The following MYO10 variants were observed in gnomAD, a reference collection of about 807,000 sequenced individuals.
MYO10 encodes unconventional myosin-X.
A neutral mutation model predicts 257.3 loss-of-function variants in MYO10; 133 were observed. The observed-to-expected ratio is 0.52, with a 90% CI of 0.45 to 0.60. The LOEUF is 0.60. MYO10 is among the 20% of genes least tolerant of loss of function. The pLI, the probability that MYO10 is intolerant of heterozygous loss-of-function variation, is 0.00. For synonymous variants in MYO10, 1,104 were observed against 1,028.6 expected (o/e 1.07, Z -1.40); for missense variants, 2,399 against 2,635.7 (o/e 0.91, Z 1.97).
intron 39 of MYO10, among the ~76,000 whole-genome samples, chr5:16,668,720 C>G (rs1049764745): frequency 6.6e-6 from 1 of 152,200 alleles, no homozygotes; most frequent in Non-Finnish European, 1.5e-5. Flanking sequence ...TGCTTTGACT[C>G]TCCACTTCTC....
chr5:16,772,832 T>C (rs1741095391), intron 9 of MYO10, among the ~76,000 whole-genome samples: 1 of 152,196 alleles, frequency 6.6e-6, no homozygotes, highest in South Asian at 2.1e-4. Context: ...ACATAGTGCA[T>C]ATTTTAGTTA....
chr5:16,912,802 G>GCACGCACACA (rs1554008422), intron 1 of MYO10, among the ~76,000 whole-genome samples: 1 of 111,594 alleles, frequency 9.0e-6, no homozygotes, highest in African/African-American at 3.6e-5. Context: ...CTACCACCCT[G>GCACGCACACA]CACACACACA....
At chr5:16,697,078 G>C (rs1737780993) in intron 26 of MYO10, among the ~76,000 whole-genome samples, 1 of 152,126 alleles carries the variant, frequency 6.6e-6, no homozygotes, top group Admixed American at 6.5e-5. Context: ...AGGTGTTCCA[G>C]TGCTGGCTAC....
intron 3 of MYO10, among the ~76,000 whole-genome samples, chr5:16,814,329 T>C (rs1742535494): frequency 6.6e-6 from 1 of 151,850 alleles, no homozygotes; most frequent in African/African-American, 2.4e-5. Context: ...CTTTTTTTTT[T>C]AGTGGAGACG....
Position 16,666,516 on chromosome 5 carries a change from G to T in MYO10, c.*176C>A. The T allele has an allele frequency of 1.7e-6, 1 of 588,070 alleles. No homozygotes were observed. Among genetic ancestry groups the T allele is most frequent in the Middle Eastern group, 4.5e-4 (1 of 2,200 alleles). The allele number at this position is 588,070 out of a possible 1,614,324, so 36.4% of individuals were successfully genotyped here. ...CTGTTAAAGTTGACAGCTTAATACA[G>T]GATCAATGAAGGCGGCAGGCAAAAG... On this transcript the variant is annotated 3_prime_UTR_variant, in exon 41 of 41. Transcript: ENST00000513610.
At chr5:16,884,446 T>TA (rs752343442) in intron 1 of MYO10, among the ~76,000 whole-genome samples, 1 of 152,164 alleles carries the variant, frequency 6.6e-6, no homozygotes, top group African/African-American at 2.4e-5. Context: ...ATGCATAAGA[T>TA]AAATTAATAT....
Position 16,670,855 on chromosome 5 carries a change from C to T in MYO10, c.5554G>A (p.Glu1852Lys), listed in dbSNP as rs567489277. 23 of 1,613,916 alleles carry T rather than the reference C, an allele frequency of 1.4e-5. No homozygotes were observed. In the Middle Eastern group the frequency reaches 4.9e-4, roughly 35 times the overall value. The change falls in exon 39 of 41, where the codon GAA becomes AAA. Residue 1852 changes from glutamate (E) to lysine (K), a missense_variant. Glu to Lys is a moderately conservative substitution (Grantham distance 56). This residue lies in a region of MYO10 where 1,820 missense variants were observed against 1,939.4 expected (regional missense o/e 0.94). Coordinates refer to ENST00000513610, the MANE Select transcript of MYO10 (RefSeq NM_012334.3). ...YTLHAAIPPLEEVYSLQRLKA... is the reference protein window; with the variant it reads ...YTLHAAIPPLKEVYSLQRLKA... The stretch of plus-strand genomic sequence containing the variant: ...AGTCTCTGCAGGGAATAAACCTCTT[C>T]GAGAGGTGGGATGGCAGCGTGCAGA...
chr5:16,857,275 AC>A (rs1743986418), intron 2 of MYO10, among the ~76,000 whole-genome samples: 1 of 152,216 alleles, frequency 6.6e-6, no homozygotes, highest in Admixed American at 6.5e-5. Flanking sequence ...AGCACTCAAG[AC>A]TACATATGGT....
At chr5:16,757,657 ATTTCT>A (rs1740574602) in intron 18 of MYO10, among the ~76,000 whole-genome samples, 1 of 152,036 alleles carries the variant, frequency 6.6e-6, no homozygotes, top group South Asian at 2.1e-4. Flanking sequence ...AGTCTATTTT[ATTTCT>A]TTTCTCTCTT....
chr5:16,884,680 G>A (rs1409703394), intron 1 of MYO10, among the ~76,000 whole-genome samples: 2 of 150,006 alleles, frequency 1.3e-5, no homozygotes, highest in Non-Finnish European at 3.0e-5. Flanking sequence ...TCCTTCTGTT[G>A]GAAGTAGGAG....
At chr5:16,830,679 G>GCACA (rs1554000807) in intron 2 of MYO10, among the ~76,000 whole-genome samples, 40 of 149,024 alleles carry the variant, frequency 2.7e-4, no homozygotes, top group Middle Eastern at 3.5e-3. Flanking sequence ...TTTTTAATAG[G>GCACA]CACACACACA....
intron 1 of MYO10, among the ~76,000 whole-genome samples, chr5:16,925,416 GCA>G (rs1486332283): frequency 6.6e-6 from 1 of 152,106 alleles, no homozygotes; most frequent in African/African-American, 2.4e-5. Flanking sequence ...TATGGTACAC[GCA>G]TTACGGTATA....
intron 3 of MYO10, among the ~76,000 whole-genome samples, chr5:16,803,733 T>C (rs1742189151): frequency 6.6e-6 from 1 of 152,214 alleles, no homozygotes; most frequent in Admixed American, 6.5e-5. Flanking sequence ...GTAAAATGTG[T>C]GTCTGGCTGG....
chr5:16,799,789 C>T (rs1462216871), intron 3 of MYO10, among the ~76,000 whole-genome samples: 1 of 152,134 alleles, frequency 6.6e-6, no homozygotes, highest in Non-Finnish European at 1.5e-5. Context: ...CCACTGTGCC[C>T]GGCTGAGAAA....
At chr5:16,834,349 A>C (rs1211299825) in intron 2 of MYO10, among the ~76,000 whole-genome samples, 1 of 152,164 alleles carries the variant, frequency 6.6e-6, no homozygotes, top group Non-Finnish European at 1.5e-5. Context: ...GTGCACCGTG[A>C]TGAGGACGTG....
At chr5:16,809,068 G>A (rs189007354) in intron 3 of MYO10, among the ~76,000 whole-genome samples, 3 of 152,104 alleles carry the variant, frequency 2.0e-5, no homozygotes, top group East Asian at 1.9e-4. Context: ...ATGTGGAAGC[G>A]GCCACTCCGG....
intron 1 of MYO10, among the ~76,000 whole-genome samples, chr5:16,878,385 T>C (rs981268752): frequency 2.6e-5 from 4 of 152,216 alleles, no homozygotes; most frequent in African/African-American, 7.2e-5. Flanking sequence ...CCTAATGAAC[T>C]TCAAAGTTCA....
At chr5:16,796,463 A>AGAAAGAAAAG in intron 3 of MYO10, among the ~76,000 whole-genome samples, 1 of 96,694 alleles carries the variant, frequency 1.0e-5, no homozygotes, top group South Asian at 4.0e-4. Context: ...AAAGAAAGAA[A>AGAAAGAAAAG]GAAAGAAAAG....
At chr5:16,716,680 A>T (rs1329236893) in intron 19 of MYO10, among the ~76,000 whole-genome samples, 1 of 151,872 alleles carries the variant, frequency 6.6e-6, no homozygotes, top group Non-Finnish European at 1.5e-5. Flanking sequence ...TCCTGAGAAG[A>T]GCCCAGGAAG....
Sources: allele counts gnomAD v4.1 joint callset (sites outside exome capture counted in the v4.1 genomes callset), GRCh38; gene constraint gnomAD v4.1.1; regional missense constraint gnomAD v4.1.1; transcripts MANE v1.5; gene names NCBI Gene and HGNC (gene_info 2026-07-23, HGNC 2026-07-21).